HPSE2: variants seen among roughly 807,000 people sequenced by gnomAD.
HPSE2 encodes the protein inactive heparanase-2.
HPSE2 carries 38 observed loss-of-function variants against 60.5 expected under a neutral mutation model. The observed-to-expected ratio is 0.63, with a 90% CI of 0.48 to 0.82. The LOEUF (loss-of-function observed/expected upper bound fraction) is 0.82, where lower values mean the gene tolerates loss of function less well. HPSE2 is among the 40% of genes least tolerant of loss of function. The pLI, the probability that HPSE2 is intolerant of heterozygous loss-of-function variation, is 0.00. For missense variants in HPSE2, 713 were observed against 740.4 expected (o/e 0.96, Z 0.43); for synonymous variants, 295 against 293.2 (o/e 1.01, Z -0.06).
At chr10:98,937,810 C>T (rs1473156155) in intron 3 of HPSE2, among the ~76,000 whole-genome samples, 1 of 142,898 alleles carries the variant, frequency 7.0e-6, no homozygotes, top group Non-Finnish European at 1.5e-5. Context: ...ACCCCTGACC[C>T]CCAAGCAGCC....
intron 3 of HPSE2, among the ~76,000 whole-genome samples, chr10:98,933,075 T>G (rs1265561305): frequency 1.4e-5 from 2 of 144,148 alleles, no homozygotes; most frequent in African/African-American, 5.6e-5. Context: ...ATTTGAGATC[T>G]TTCTAGCTTT....
intron 5 of HPSE2, among the ~76,000 whole-genome samples, chr10:98,695,993 T>C (rs544643800): frequency 6.6e-6 from 1 of 152,098 alleles, no homozygotes; most frequent in African/African-American, 2.4e-5. Flanking sequence ...CAAAATATTA[T>C]CCCTGCCATC....
At chr10:98,492,908 T>A (rs1941706786) in intron 9 of HPSE2, among the ~76,000 whole-genome samples, 1 of 152,230 alleles carries the variant, frequency 6.6e-6, no homozygotes, top group South Asian at 2.1e-4. Flanking sequence ...TGTATAACCA[T>A]CACCACTGTC....
At chr10:98,938,693 T>C (rs1316506461) in intron 3 of HPSE2, among the ~76,000 whole-genome samples, 1 of 143,676 alleles carries the variant, frequency 7.0e-6, no homozygotes, top group Non-Finnish European at 1.5e-5. Flanking sequence ...TTCCCCAATC[T>C]AGCAAGGCAC....
At chr10:98,801,461 A>G (rs1950905083) in intron 3 of HPSE2, among the ~76,000 whole-genome samples, 1 of 152,180 alleles carries the variant, frequency 6.6e-6, no homozygotes, top group South Asian at 2.1e-4. Context: ...GGAAAAACCT[A>G]AAGACCCCAT....
chr10:99,295,547 T>C, the HPSE2 span, among the ~76,000 whole-genome samples: 1 of 152,360 alleles, frequency 6.6e-6, no homozygotes, highest in East Asian at 1.9e-4. Flanking sequence ...GTTTTTTTCT[T>C]TCTTCCCTAT....
At chr10:98,580,053 T>C (rs913290143) in intron 9 of HPSE2, among the ~76,000 whole-genome samples, 4 of 152,364 alleles carry the variant, frequency 2.6e-5, no homozygotes, top group Non-Finnish European at 4.4e-5. Context: ...TATACATTTC[T>C]GTGTTGACAA....
At chr10:99,183,114 A>T (rs1456488798) in intron 2 of HPSE2, among the ~76,000 whole-genome samples, 2 of 152,164 alleles carry the variant, frequency 1.3e-5, no homozygotes, top group Non-Finnish European at 2.9e-5. Context: ...GCCTACAGAC[A>T]GTTTTCAGAC....
intron 5 of HPSE2, among the ~76,000 whole-genome samples, chr10:98,714,448 A>G (rs72840591): frequency 0.015 from 2,290 of 151,996 alleles, 32 homozygotes; most frequent in African/African-American, 0.03. Flanking sequence ...TATAAAAGGA[A>G]CCATACAATG....
chr10:98,468,460 G>T (rs1325266725), intron 11 of HPSE2, among the ~76,000 whole-genome samples: 1 of 152,026 alleles, frequency 6.6e-6, no homozygotes, highest in Admixed American at 6.6e-5. Context: ...GAATCCGGTG[G>T]AATCTCTCAA....
intron 3 of HPSE2, among the ~76,000 whole-genome samples, chr10:99,035,140 T>C (rs564561833): frequency 1.2e-3 from 186 of 152,322 alleles, no homozygotes; most frequent in South Asian, 4.1e-3. Context: ...TCTTTAACGT[T>C]TTTACTTTAT....
the HPSE2 span, among the ~76,000 whole-genome samples, chr10:99,305,979 G>GCGCGCGCGCGCGCGCACA: frequency 2.5e-5 from 2 of 80,580 alleles, no homozygotes; most frequent in African/African-American, 5.4e-5. Context: ...GCGCGCGCGC[G>GCGCGCGCGCGCGCGCACA]CACACACACA....
chr10:98,466,379 C>T (rs925334374), intron 11 of HPSE2, among the ~76,000 whole-genome samples: 2 of 151,868 alleles, frequency 1.3e-5, no homozygotes, highest in Non-Finnish European at 2.9e-5. Flanking sequence ...TTTGGGAGGC[C>T]GAGGCAGGCG....
At chr10:98,615,305 A>C (rs940564136) in intron 8 of HPSE2, among the ~76,000 whole-genome samples, 3 of 152,208 alleles carry the variant, frequency 2.0e-5, no homozygotes, top group Admixed American at 6.5e-5. Context: ...TTAACTTTTT[A>C]TTCCTGAAAT....
intron 3 of HPSE2, among the ~76,000 whole-genome samples, chr10:99,134,793 A>T (rs1393382190): frequency 2.0e-5 from 3 of 152,226 alleles, no homozygotes; most frequent in Non-Finnish European, 2.9e-5. Flanking sequence ...CATCAACACT[A>T]TGAAGAAACT....
At chr10:98,751,747 C>T (rs1388784795) in intron 3 of HPSE2, among the ~76,000 whole-genome samples, 1 of 152,204 alleles carries the variant, frequency 6.6e-6, no homozygotes, top group African/African-American at 2.4e-5. Flanking sequence ...CTGAGAACAG[C>T]TTCCCCATAG....
intron 3 of HPSE2, among the ~76,000 whole-genome samples, chr10:98,883,376 A>ATTT (rs1334951695): frequency 2.0e-5 from 3 of 152,144 alleles, no homozygotes; most frequent in African/African-American, 7.2e-5. Context: ...CAGCCAAGAA[A>ATTT]CTTTATAATT....
intron 9 of HPSE2, among the ~76,000 whole-genome samples, chr10:98,587,428 G>A (rs1389573845): frequency 2.0e-5 from 3 of 152,148 alleles, no homozygotes; most frequent in African/African-American, 7.2e-5. Context: ...AGTTGCTCAG[G>A]AAACAGCCTC....
chr10:98,651,759 T>C (rs1194684408), intron 6 of HPSE2, among the ~76,000 whole-genome samples: 3 of 150,862 alleles, frequency 2.0e-5, no homozygotes, highest in Non-Finnish European at 2.9e-5. Flanking sequence ...AGATCCCCTT[T>C]AAAGAACTAG....
Sources: allele counts gnomAD v4.1 joint callset (sites outside exome capture counted in the v4.1 genomes callset), GRCh38; gene constraint gnomAD v4.1.1; transcripts MANE v1.5; gene names NCBI Gene and HGNC (gene_info 2026-07-23, HGNC 2026-07-21).